ZNF821: variants seen among roughly 807,000 people sequenced by gnomAD.
ZNF821 encodes zinc finger protein 821.
ZNF821 carries 16 observed loss-of-function variants against 44.3 expected under a neutral mutation model. The observed-to-expected ratio is 0.36, with a 90% CI of 0.24 to 0.55. ZNF821 has a LOEUF of 0.55. Ranked by LOEUF, ZNF821 falls within the 20% of genes least tolerant of loss-of-function variation. The pLI is 0.86. For missense variants in ZNF821, 436 were observed against 547.6 expected (o/e 0.80, Z 2.03); for synonymous variants, 204 against 197.6 (o/e 1.03, Z -0.27).
At chr16:71,869,359 G>A (rs1480267354) in intron 3 of ZNF821, among the ~76,000 whole-genome samples, 1 of 152,146 alleles carries the variant, frequency 6.6e-6, no homozygotes, top group Non-Finnish European at 1.5e-5. Context: ...TAGACCTTGG[G>A]CAGTGAAAGA....
intron 2 of ZNF821, 111 bp downstream of exon 2, chr16:71,883,100 T>A (rs1402945480): frequency 6.6e-6 from 3 of 456,174 alleles, no homozygotes; most frequent in African/African-American, 4.0e-5. Flanking sequence ...CTGAACACTG[T>A]CTCTGCTCTC....
In ZNF821 at chr16:71,861,960, G is replaced by T. The variant is rs755550277; in HGVS notation, c.418-18C>A. ...GCAGTGTGCTGTAAAACAGAGCCTT[G>T]ATCTGTCAGTCTTGCGCTACCTCCA... is the stretch of plus-strand genomic sequence containing the variant. On this transcript the variant is annotated intron_variant, in intron 6 of 7. Transcript: ENST00000425432. The T allele has an allele frequency of 6.2e-7, 1 of 1,612,436 alleles. No homozygotes were observed. Among genetic ancestry groups the T allele is most frequent in the African/African-American group, 1.3e-5 (1 of 75,024 alleles).
chr16:71,871,670 G>A (rs1028652496), intron 3 of ZNF821, among the ~76,000 whole-genome samples: 5 of 152,054 alleles, frequency 3.3e-5, no homozygotes, highest in African/African-American at 1.2e-4. Context: ...CTGGTCCCTA[G>A]ATATTAATGT....
At chr16:71,875,721 C>T (rs934316625) in intron 3 of ZNF821, among the ~76,000 whole-genome samples, 3 of 152,008 alleles carry the variant, frequency 2.0e-5, no homozygotes, top group Admixed American at 6.6e-5. Context: ...CTCGCCCTCC[C>T]GAAGTGCTGG....
chr16:71,880,698 T>C (rs1015398728), intron 2 of ZNF821, among the ~76,000 whole-genome samples: 1 of 152,150 alleles, frequency 6.6e-6, no homozygotes, highest in Non-Finnish European at 1.5e-5. Flanking sequence ...GCCATCCACA[T>C]TGATGAGTAC....
chr16:71,868,728 T>C (rs1448511969), intron 3 of ZNF821, among the ~76,000 whole-genome samples: 1 of 152,064 alleles, frequency 6.6e-6, no homozygotes, highest in African/African-American at 2.4e-5. Flanking sequence ...ATAATATTCA[T>C]GTAGTCTTCT....
At chr16:71,883,421 A>T (rs1287010010) in intron 1 of ZNF821, 148 bp from the exon 2 acceptor site, 3 of 349,044 alleles carry the variant, frequency 8.6e-6, no homozygotes, top group Non-Finnish European at 1.7e-5. Flanking sequence ...CCCAGGAATT[A>T]CCAGACAAGA....
chr16:71,869,466 T>C (rs2034938285), intron 3 of ZNF821, among the ~76,000 whole-genome samples: 1 of 152,180 alleles, frequency 6.6e-6, no homozygotes, highest in South Asian at 2.1e-4. Context: ...ACACTAATAA[T>C]AGTTTGACAC....
chr16:71,865,239 C>T (rs76390745), intron 4 of ZNF821, among the ~76,000 whole-genome samples, 191 bp from the exon 5 acceptor site: 2,952 of 152,316 alleles, frequency 0.019, 52 homozygotes, highest in Non-Finnish European at 0.03. Flanking sequence ...ATGCCATATA[C>T]ACGTAAAGGG....
At position 71,883,251 on chromosome 16, in the gene ZNF821, G is replaced by A. The variant is rs2036615030; in HGVS notation, c.-118C>T. ...AGTTCCCACGGAGCAAAGCAAACTC[G>A]ACTGAATCCAAGTGATCTGTATCTG... On this transcript the variant is annotated 5_prime_UTR_variant, in exon 2 of 8. Transcript: ENST00000425432. 4 of 455,778 alleles carry A rather than the reference G, an allele frequency of 8.8e-6. No homozygotes were observed. Among genetic ancestry groups the A allele is most frequent in the African/African-American group, 4.0e-5 (2 of 50,142 alleles). The allele number at this position is 455,778 out of a possible 1,614,324, so 28.2% of individuals were successfully genotyped here.
Position 71,884,069 on chromosome 16 carries a change from C to T in ZNF821, c.-302G>A, listed in dbSNP as rs904558580. On this transcript the variant is annotated 5_prime_UTR_variant, in exon 1 of 8. Transcript: ENST00000425432. ...GAAGGGGCTCCGGGCCGAGCCGAGC[C>T]GGTGGCGGGGAGCCGAGGGGCGGCG... The T allele has an allele frequency of 1.3e-5, 2 of 152,184 alleles. No homozygotes were observed. The highest frequency in any genetic ancestry group is 6.5e-5 in the Admixed American group (1 of 15,276). The allele number at this position is 152,184 out of a possible 1,614,324, so 9.4% of individuals were successfully genotyped here. A position where few individuals can be genotyped will look rare whatever the true frequency, so the allele number is the denominator to read the frequency against.
intron 1 of ZNF821, among the ~76,000 whole-genome samples, chr16:71,893,457 T>A (rs2036904298): frequency 6.8e-6 from 1 of 146,976 alleles, no homozygotes; most frequent in Non-Finnish European, 1.5e-5. Flanking sequence ...CCACCACGCC[T>A]GGCCCACTTT....
At chr16:71,879,505 T>C (rs922591626) in intron 3 of ZNF821, among the ~76,000 whole-genome samples, 1 of 152,164 alleles carries the variant, frequency 6.6e-6, no homozygotes, top group South Asian at 2.1e-4. Flanking sequence ...GTTTGGCAAT[T>C]AGCATATACT....
At chr16:71,877,867 C>T (rs2035992669) in intron 3 of ZNF821, among the ~76,000 whole-genome samples, 1 of 150,662 alleles carries the variant, frequency 6.6e-6, no homozygotes, top group Non-Finnish European at 1.5e-5. Context: ...TTGCAGTGAG[C>T]TGAGATCACG....
chr16:71,888,534 T>C (rs963698783), upstream of ZNF821, among the ~76,000 whole-genome samples: 1 of 152,322 alleles, frequency 6.6e-6, no homozygotes, highest in East Asian at 1.9e-4. Flanking sequence ...AGACTGTTCT[T>C]TCCCCCTTTG....
chr16:71,861,115 A>C (rs543467643), intron 7 of ZNF821, among the ~76,000 whole-genome samples: 2 of 152,210 alleles, frequency 1.3e-5, no homozygotes, highest in East Asian at 3.9e-4. Context: ...CGGCCTCCCA[A>C]AGTGCTGGGA....
chr16:71,882,507 C>T (rs1167124701), intron 2 of ZNF821, among the ~76,000 whole-genome samples: 1 of 152,072 alleles, frequency 6.6e-6, no homozygotes, highest in African/African-American at 2.4e-5. Flanking sequence ...AATATTAAAG[C>T]TCCAAGTCAA....
upstream of ZNF821, among the ~76,000 whole-genome samples, chr16:71,888,202 A>G (rs906018297): frequency 3.3e-5 from 5 of 152,176 alleles, no homozygotes; most frequent in East Asian, 7.7e-4. Flanking sequence ...TTTATTTGGT[A>G]TCCCAAATAA....
At chr16:71,885,012 C>G (rs1158860353), upstream of ZNF821, among the ~76,000 whole-genome samples, 1 of 152,124 alleles carries the variant, frequency 6.6e-6, no homozygotes, top group Non-Finnish European at 1.5e-5. Context: ...CGTGCACCAC[C>G]ACGCCCAGCT....
Sources: gnomAD v4.1 joint callset for allele counts (sites outside exome capture counted in the v4.1 genomes callset) on GRCh38, gnomAD v4.1.1 for gene constraint, MANE v1.5 for transcripts, NCBI Gene and HGNC (gene_info 2026-07-23, HGNC 2026-07-21) for gene names.